The following CCDC192 variants were observed in gnomAD, a reference collection of about 807,000 sequenced individuals.
CCDC192 encodes coiled-coil domain-containing protein 192.
At chr5:127,834,653 AT>A (rs1749951081) in intron 5 of CCDC192, among the ~76,000 whole-genome samples, 2 of 152,230 alleles carry the variant, frequency 1.3e-5, no homozygotes, top group African/African-American at 4.8e-5. Context: ...CACCAGCAGA[AT>A]TTTTTAAAGG....
chr5:127,855,355 C>T (rs1256154644), intron 5 of CCDC192, among the ~76,000 whole-genome samples: 1 of 152,192 alleles, frequency 6.6e-6, no homozygotes, highest in Non-Finnish European at 1.5e-5. Context: ...CAAGTTTTAT[C>T]ATGAGATTGC....
At chr5:127,912,994 C>T (rs1486592230) in intron 6 of CCDC192, among the ~76,000 whole-genome samples, 1 of 152,176 alleles carries the variant, frequency 6.6e-6, no homozygotes, top group Non-Finnish European at 1.5e-5. Context: ...CTTTTCCATG[C>T]CCTATTGACA....
intron 5 of CCDC192, among the ~76,000 whole-genome samples, chr5:127,850,297 TC>T (rs1561522415): frequency 1.3e-5 from 2 of 152,080 alleles, no homozygotes; most frequent in Admixed American, 1.3e-4. Context: ...CAGGAAAGGA[TC>T]CCCCCAGAGA....
chr5:127,715,346 TC>T (rs2126786941), intron 2 of CCDC192, among the ~76,000 whole-genome samples: 1 of 152,338 alleles, frequency 6.6e-6, no homozygotes, highest in Non-Finnish European at 1.5e-5. Flanking sequence ...CATATGGATG[TC>T]CAGTTTTTCC....
At chr5:127,725,576 A>G (rs1276660188) in intron 2 of CCDC192, among the ~76,000 whole-genome samples, 1 of 152,208 alleles carries the variant, frequency 6.6e-6, no homozygotes, top group Non-Finnish European at 1.5e-5. Flanking sequence ...CTTCAAAATC[A>G]GTGTGTATTT....
At chr5:127,801,842 A>G (rs1757522853) in intron 5 of CCDC192, among the ~76,000 whole-genome samples, 1 of 152,214 alleles carries the variant, frequency 6.6e-6, no homozygotes, top group South Asian at 2.1e-4. Flanking sequence ...AGAAAGCTCC[A>G]TCCAGCAGCA....
At chr5:127,800,366 G>C (rs1005058564) in intron 5 of CCDC192, among the ~76,000 whole-genome samples, 8 of 76,902 alleles carry the variant, frequency 1.0e-4, no homozygotes, top group African/African-American at 4.9e-4. Context: ...AGGATGCTAA[G>C]AGGTATTCTG....
chr5:127,825,927 CA>C (rs1392602930), intron 5 of CCDC192, among the ~76,000 whole-genome samples: 1 of 152,054 alleles, frequency 6.6e-6, no homozygotes, highest in Non-Finnish European at 1.5e-5. Flanking sequence ...TTAATTGTTG[CA>C]TTTTTTGGGT....
chr5:127,743,348 C>CA (rs1331170138), intron 2 of CCDC192, among the ~76,000 whole-genome samples: 1 of 152,186 alleles, frequency 6.6e-6, no homozygotes, highest in Non-Finnish European at 1.5e-5. Context: ...TAATCTTACC[C>CA]ACACCTTCTA....
chr5:127,767,468 G>GT (rs1426508539), intron 3 of CCDC192, among the ~76,000 whole-genome samples: 1 of 152,186 alleles, frequency 6.6e-6, no homozygotes, highest in Non-Finnish European at 1.5e-5. Context: ...CTGCTTTGCA[G>GT]TAGCTCTATT....
chr5:127,708,534 T>C lies in CCDC192; in HGVS notation c.114+774T>C, dbSNP rs369414804. 1.4e-4 allele frequency among the ~76,000 whole-genome samples: 21 copies of C among 152,342 alleles called. No homozygotes were observed. In the South Asian group the frequency reaches 2.3e-3, roughly 17 times the overall value. On this transcript the variant is annotated intron_variant, in intron 2 of 6. Transcript: ENST00000514853. The stretch of plus-strand genomic sequence containing the variant: ...CAGAGATATTTCTGGAACAATCTTT[T>C]CAGCTCTAATATAGAGGCAGTATAG...
intron 5 of CCDC192, among the ~76,000 whole-genome samples, chr5:127,828,521 A>G (rs1229967692): frequency 2.0e-5 from 3 of 152,230 alleles, no homozygotes; most frequent in Admixed American, 6.5e-5. Flanking sequence ...ACACATAGTG[A>G]CAAACAACAT....
intron 5 of CCDC192, among the ~76,000 whole-genome samples, chr5:127,855,609 C>T (rs1426239029): frequency 6.6e-6 from 1 of 152,168 alleles, no homozygotes; most frequent in Non-Finnish European, 1.5e-5. Context: ...TGACTTTGCC[C>T]AATCTATCAG....
At chr5:127,741,696 C>A (rs184083575) in intron 2 of CCDC192, among the ~76,000 whole-genome samples, 1 of 152,274 alleles carries the variant, frequency 6.6e-6, no homozygotes, top group African/African-American at 2.4e-5. Context: ...TCCTCTAGCC[C>A]AGATCCTATT....
intron 3 of CCDC192, among the ~76,000 whole-genome samples, chr5:127,792,777 G>C (rs1012516415): frequency 6.8e-6 from 1 of 147,712 alleles, no homozygotes; most frequent in African/African-American, 2.6e-5. Flanking sequence ...AGGAGGAGGA[G>C]AAGAGGAAGA....
intron 6 of CCDC192, among the ~76,000 whole-genome samples, chr5:127,912,410 T>A (rs1470066023): frequency 2.9e-5 from 1 of 35,056 alleles, no homozygotes; most frequent in East Asian, 4.2e-4. Flanking sequence ...AATAGATTCC[T>A]GGGTTTAGCA....
At chr5:127,829,648 A>C (rs1749694003) in intron 5 of CCDC192, among the ~76,000 whole-genome samples, 1 of 152,238 alleles carries the variant, frequency 6.6e-6, no homozygotes, top group Admixed American at 6.5e-5. Flanking sequence ...AGAAAATTAG[A>C]TGCATGAAGA....
At chr5:127,715,807 A>C (rs1751593176) in intron 2 of CCDC192, among the ~76,000 whole-genome samples, 1 of 152,094 alleles carries the variant, frequency 6.6e-6, no homozygotes, top group Non-Finnish European at 1.5e-5. Context: ...AAGTCTTTGA[A>C]GTTTCATATA....
intron 6 of CCDC192, among the ~76,000 whole-genome samples, chr5:127,914,890 T>C (rs751637750): frequency 5.3e-5 from 8 of 152,160 alleles, no homozygotes; most frequent in Non-Finnish European, 8.8e-5. Flanking sequence ...CAACAATCAA[T>C]TGGAAGGGCC....
Sources: allele counts gnomAD v4.1 joint callset (sites outside exome capture counted in the v4.1 genomes callset), GRCh38; gene constraint gnomAD v4.1.1; transcripts MANE v1.5; gene names NCBI Gene and HGNC (gene_info 2026-07-23, HGNC 2026-07-21).